ST6GALNAC3: variants seen among roughly 807,000 people sequenced by gnomAD.
ST6GALNAC3 encodes the protein alpha-N-acetylgalactosaminide alpha-2,6-sialyltransferase 3.
Under a neutral mutation model 32.7 loss-of-function variants are expected in ST6GALNAC3, and 25 were observed. That is an observed-to-expected ratio of 0.76 (90% CI 0.56 to 1.07). The LOEUF (loss-of-function observed/expected upper bound fraction) is 1.07. ST6GALNAC3 is among the 50% of genes least tolerant of loss of function. The pLI, the probability that ST6GALNAC3 is intolerant of heterozygous loss-of-function variation, is 0.00. For synonymous variants in ST6GALNAC3, 129 were observed against 133.1 expected (o/e 0.97, Z 0.21); for missense variants, 355 against 382.4 (o/e 0.93, Z 0.60).
intron 3 of ST6GALNAC3, among the ~76,000 whole-genome samples, chr1:76,443,711 A>G (rs1030240798): frequency 1.3e-5 from 2 of 152,240 alleles, no homozygotes; most frequent in African/African-American, 4.8e-5. Context: ...AAAGCACACA[A>G]TATGAAGCTC....
chr1:76,637,038 T>G (rs922067271), downstream of ST6GALNAC3: 1 of 152,204 alleles, frequency 6.6e-6, no homozygotes, highest in African/African-American at 2.4e-5. Context: ...ATCAGAGTGG[T>G]GGCTCTCACT....
rs575300557 is a variant in ST6GALNAC3 at position 76,476,787 on chromosome 1, A to G, written c.623+64370A>G. 3.3e-5 allele frequency among the ~76,000 whole-genome samples: 5 copies of G among 152,318 alleles called. No individual in the cohort carries two copies. The East Asian group carries it at 9.7e-4, about 29-fold the overall frequency. ...TGTGCTGCCCTTTATGAAAATGAGC[A>G]GCTGGTCAGCCGGACCATCGCCCAC... On this transcript the variant is annotated intron_variant, in intron 3 of 4. Coordinates refer to ENST00000328299, the MANE Select transcript of ST6GALNAC3 (RefSeq NM_152996.4).
chr1:76,279,532 G>C (rs932868340), intron 1 of ST6GALNAC3, among the ~76,000 whole-genome samples: 1 of 152,232 alleles, frequency 6.6e-6, no homozygotes, highest in Non-Finnish European at 1.5e-5. Context: ...GGAAAGAGGA[G>C]CCTTTGTGGG....
intron 2 of ST6GALNAC3, among the ~76,000 whole-genome samples, chr1:76,331,071 A>G (rs1229913795): frequency 2.6e-5 from 4 of 152,182 alleles, no homozygotes; most frequent in Admixed American, 2.6e-4. Context: ...CCAGTAGACA[A>G]TATCTAGCAT....
intron 1 of ST6GALNAC3, among the ~76,000 whole-genome samples, chr1:76,283,440 T>G (rs1659610469): frequency 1.3e-5 from 2 of 152,204 alleles, no homozygotes; most frequent in African/African-American, 4.8e-5. Context: ...AAGTGTTATG[T>G]GTACATGAGC....
intron 1 of ST6GALNAC3, among the ~76,000 whole-genome samples, chr1:76,196,844 G>A (rs962810399): frequency 6.6e-6 from 1 of 152,046 alleles, no homozygotes; most frequent in Non-Finnish European, 1.5e-5. Context: ...TACTCAACAA[G>A]CCAATGCCTC....
chr1:76,553,904 T>A (rs2100381558), intron 3 of ST6GALNAC3, among the ~76,000 whole-genome samples: 1 of 152,316 alleles, frequency 6.6e-6, no homozygotes, highest in South Asian at 2.1e-4. Flanking sequence ...TACACTCACG[T>A]ATTCATACAA....
chr1:76,285,534 T>C (rs1659729677), intron 1 of ST6GALNAC3, among the ~76,000 whole-genome samples: 1 of 152,192 alleles, frequency 6.6e-6, no homozygotes, highest in African/African-American at 2.4e-5. Flanking sequence ...AAAAAATGAA[T>C]CTAATAAAAA....
intron 1 of ST6GALNAC3, among the ~76,000 whole-genome samples, chr1:76,184,408 G>A (rs995264943): frequency 3.9e-5 from 6 of 151,980 alleles, no homozygotes; most frequent in African/African-American, 4.8e-5. Flanking sequence ...GTGTGGTGGC[G>A]CATGTCTGTA....
rs187941721 is a variant in ST6GALNAC3, at chr1:76,214,896, C to T, written c.19-98909C>T. On this transcript the variant is annotated intron_variant, in intron 1 of 4. Transcript: ENST00000328299. ...TTGAAATTAGATAGGGACCTACCTT[C>T]AATTCTTGGCTTTCACTTAACCTGT... Among the ~76,000 whole-genome samples the T allele has an allele frequency of 2.0e-4, 31 of 152,300 alleles. No individual in the cohort carries two copies. The East Asian group carries it at 3.7e-3, about 18-fold the overall frequency.
In ST6GALNAC3 at chr1:76,287,742, G is replaced by A. The variant is rs374300813; in HGVS notation, c.19-26063G>A. ...AGCATTGTTAAAAGTTAGTCCATTG[G>A]GTGTGTTTGTTCTTCACATTATCCA... is the stretch of plus-strand genomic sequence containing the variant. On this transcript the variant is annotated intron_variant, in intron 1 of 4. Transcript: ENST00000328299. 2.3e-4 allele frequency among the ~76,000 whole-genome samples: 35 copies of A among 152,184 alleles called. No individual in the cohort carries two copies. The East Asian group carries it at 4.8e-3, about 21-fold the overall frequency.
chr1:76,576,829 A>C, intron 3 of ST6GALNAC3: 2 of 1,304,738 alleles, frequency 1.5e-6, no homozygotes, highest in Non-Finnish European at 2.0e-6. Flanking sequence ...TTTCTTCTCC[A>C]TTCCCATGAT....
At chr1:76,204,622 C>A (rs1654719169) in intron 1 of ST6GALNAC3, among the ~76,000 whole-genome samples, 1 of 152,124 alleles carries the variant, frequency 6.6e-6, no homozygotes, top group Admixed American at 6.6e-5. Flanking sequence ...TGGCACTATT[C>A]TGTATATTCC....
chr1:76,173,237 G>T (rs1235087711), intron 1 of ST6GALNAC3, among the ~76,000 whole-genome samples: 1 of 152,166 alleles, frequency 6.6e-6, no homozygotes, highest in African/African-American at 2.4e-5. Flanking sequence ...CAATGGGAAA[G>T]AATCTCCTAT....
intron 2 of ST6GALNAC3, among the ~76,000 whole-genome samples, chr1:76,374,391 A>T (rs534928516): frequency 6.6e-6 from 1 of 152,358 alleles, no homozygotes; most frequent in East Asian, 1.9e-4. Context: ...GTTAGGGATG[A>T]GGCAGAGCTT....
chr1:76,565,733 A>G (rs1264012122), intron 3 of ST6GALNAC3, among the ~76,000 whole-genome samples: 1 of 152,178 alleles, frequency 6.6e-6, no homozygotes, highest in African/African-American at 2.4e-5. Flanking sequence ...TTCCAGTGCC[A>G]AAGCTGTGGA....
intron 1 of ST6GALNAC3, among the ~76,000 whole-genome samples, chr1:76,117,612 C>CT (rs35437376): frequency 1.2e-3 from 28 of 24,282 alleles, no homozygotes; most frequent in African/African-American, 5.9e-3. Flanking sequence ...GCTGGACTAG[C>CT]TCTGAGCCTG....
At chr1:76,562,430 T>C (rs1414980435) in intron 3 of ST6GALNAC3, among the ~76,000 whole-genome samples, 2 of 152,158 alleles carry the variant, frequency 1.3e-5, no homozygotes, top group Non-Finnish European at 2.9e-5. Context: ...GGGAATGATA[T>C]AGTGGGAACA....
At chr1:76,262,042 T>A (rs533209673) in intron 1 of ST6GALNAC3, among the ~76,000 whole-genome samples, 1 of 152,178 alleles carries the variant, frequency 6.6e-6, no homozygotes, top group South Asian at 2.1e-4. Context: ...GCCGAAACCA[T>A]GTATTTTTGA....
Sources: gnomAD v4.1 joint callset for allele counts (sites outside exome capture counted in the v4.1 genomes callset) on GRCh38, gnomAD v4.1.1 for gene constraint, MANE v1.5 for transcripts, NCBI Gene and HGNC (gene_info 2026-07-23, HGNC 2026-07-21) for gene names.